The following LRP1B variants were observed in gnomAD, a reference collection of about 807,000 sequenced individuals.
The protein encoded by LRP1B is low-density lipoprotein receptor-related protein 1B.
In LRP1B, 217 loss-of-function variants were observed where a neutral mutation model predicts 556.6. That is an observed-to-expected ratio of 0.39 (90% CI 0.35 to 0.44). The LOEUF is 0.44. Ranked by LOEUF, LRP1B falls within the 20% of genes least tolerant of loss-of-function variation. The probability of loss-of-function intolerance (pLI) is 1.00; values close to 1 mark genes in which losing one functional copy is unlikely to be tolerated. For synonymous variants in LRP1B, 2,047 were observed against 1,865.8 expected (o/e 1.10, Z -2.50); for missense variants, 5,053 against 5,620.8 (o/e 0.90, Z 3.23).
intron 3 of LRP1B, among the ~76,000 whole-genome samples, chr2:141,465,350 A>G (rs917826582): frequency 2.0e-5 from 3 of 147,474 alleles, no homozygotes. Context: ...GAAAAAATGG[A>G]AAAAAAAATA....
intron 2 of LRP1B, among the ~76,000 whole-genome samples, chr2:141,645,469 C>CTTTT (rs750147915): frequency 1.4e-4 from 7 of 48,396 alleles, no homozygotes; most frequent in African/African-American, 3.7e-4. Flanking sequence ...GAAGACAAGG[C>CTTTT]TTTTTTTTTT....
At chr2:141,457,795 A>G (rs1461576786) in intron 3 of LRP1B, among the ~76,000 whole-genome samples, 2 of 152,180 alleles carry the variant, frequency 1.3e-5, no homozygotes, top group Non-Finnish European at 2.9e-5. Context: ...TAGTAAAATA[A>G]GAAAAGCAAG....
intron 1 of LRP1B, among the ~76,000 whole-genome samples, chr2:142,120,123 G>GTTTA (rs386391383): frequency 1.6e-4 from 24 of 152,022 alleles, no homozygotes; most frequent in Non-Finnish European, 7.4e-5. Flanking sequence ...TTTTTTGTTT[G>GTTTA]TTTGTTTTTT....
At chr2:141,341,988 T>C (rs962993761) in intron 3 of LRP1B, among the ~76,000 whole-genome samples, 1 of 152,052 alleles carries the variant, frequency 6.6e-6, no homozygotes, top group Non-Finnish European at 1.5e-5. Context: ...CTCACACCTG[T>C]AATCCCAGCA....
intron 7 of LRP1B, among the ~76,000 whole-genome samples, chr2:141,175,801 G>T (rs1450246480): frequency 6.6e-6 from 1 of 152,050 alleles, no homozygotes; most frequent in Non-Finnish European, 1.5e-5. Context: ...CCTGGAAAAG[G>T]CATAGGCATT....
rs1695586566 is a variant in LRP1B, at chr2:141,790,806, A to C, written c.205+19473T>G. On this transcript the variant is annotated intron_variant, in intron 2 of 90. Coordinates refer to ENST00000389484, the MANE Select transcript of LRP1B (RefSeq NM_018557.3). ...TGCATTACAAATAGACGTTAAAGTT[A>C]AAAAGAACACAGAAATTGGTGGTAA... Among the ~76,000 whole-genome samples, 4 of 152,064 alleles carry C rather than the reference A, an allele frequency of 2.6e-5. No individual in the cohort carries two copies. In the South Asian group the frequency reaches 8.3e-4, roughly 31 times the overall value.
At chr2:140,398,686 C>A (rs1684361667) in intron 66 of LRP1B, among the ~76,000 whole-genome samples, 1 of 152,094 alleles carries the variant, frequency 6.6e-6, no homozygotes. Flanking sequence ...ATCACTATGC[C>A]AAGCCAAGAA....
chr2:140,328,138 C>A (rs1680594007), intron 79 of LRP1B, among the ~76,000 whole-genome samples: 1 of 151,870 alleles, frequency 6.6e-6, no homozygotes, highest in Admixed American at 6.6e-5. Context: ...GGAAAAAAAT[C>A]AATTCTCAAG....
intron 40 of LRP1B, 133 bp from the exon 41 acceptor site, chr2:140,700,754 C>G: frequency 5.5e-6 from 5 of 915,130 alleles, no homozygotes; most frequent in Non-Finnish European, 8.1e-6. Flanking sequence ...TTAAGCTGGT[C>G]AATAAAAAAT....
chr2:141,548,196 T>C (rs1842932), intron 2 of LRP1B, among the ~76,000 whole-genome samples: 11,362 of 152,240 alleles, frequency 0.075, 535 homozygotes, highest in South Asian at 0.13. Context: ...ATAAATAATA[T>C]GCAACTTGAA....
At chr2:140,365,467 G>A (rs868074813) in intron 71 of LRP1B, among the ~76,000 whole-genome samples, 3 of 151,594 alleles carry the variant, frequency 2.0e-5, no homozygotes, top group Non-Finnish European at 3.0e-5. Context: ...TCTGCCACAC[G>A]CAAAGGACCT....
chr2:142,079,596 C>G (rs544123740), intron 1 of LRP1B, among the ~76,000 whole-genome samples: 1 of 152,034 alleles, frequency 6.6e-6, no homozygotes, highest in Non-Finnish European at 1.5e-5. Context: ...CAACCTCCGC[C>G]TCCCAGGTGT....
At chr2:140,475,379 T>A (rs763225573) in intron 59 of LRP1B, 42 bp from the exon 60 acceptor site, 1 of 1,460,060 alleles carries the variant, frequency 6.8e-7, no homozygotes, top group Non-Finnish European at 9.4e-7. Flanking sequence ...ACAGATTCTC[T>A]GGGAGCAAAA....
intron 3 of LRP1B, among the ~76,000 whole-genome samples, chr2:141,275,993 C>G (rs1331918008): frequency 6.6e-6 from 1 of 152,082 alleles, no homozygotes; most frequent in Non-Finnish European, 1.5e-5. Flanking sequence ...GATGGCCTCT[C>G]TATAAGTTTT....
intron 41 of LRP1B, among the ~76,000 whole-genome samples, chr2:140,675,076 C>A (rs960426816): frequency 6.6e-6 from 1 of 152,180 alleles, no homozygotes; most frequent in African/African-American, 2.4e-5. Context: ...CTTTTATCAT[C>A]ATATCACCTT....
chr2:140,393,936 G>T (rs1268814303), intron 66 of LRP1B, among the ~76,000 whole-genome samples: 1 of 151,976 alleles, frequency 6.6e-6, no homozygotes, highest in African/African-American at 2.4e-5. Context: ...ATACAATTCT[G>T]TTCTCTCATT....
intron 20 of LRP1B, among the ~76,000 whole-genome samples, chr2:140,925,699 C>T (rs575724218): frequency 4.6e-5 from 7 of 152,214 alleles, no homozygotes; most frequent in African/African-American, 9.6e-5. Flanking sequence ...GTATGTTTGA[C>T]GAACACACTA....
At chr2:141,682,514 C>A (rs918191783) in intron 2 of LRP1B, among the ~76,000 whole-genome samples, 1 of 152,056 alleles carries the variant, frequency 6.6e-6, no homozygotes, top group Non-Finnish European at 1.5e-5. Flanking sequence ...TAATAATATT[C>A]CCTTTACAAA....
At chr2:140,956,037 A>C (rs1695862264) in intron 18 of LRP1B, among the ~76,000 whole-genome samples, 1 of 151,776 alleles carries the variant, frequency 6.6e-6, no homozygotes, top group Non-Finnish European at 1.5e-5. Context: ...GTTAAAATTA[A>C]TGACAAGATA....
Sources: allele counts gnomAD v4.1 joint callset (sites outside exome capture counted in the v4.1 genomes callset), GRCh38; gene constraint gnomAD v4.1.1; transcripts MANE v1.5; gene names NCBI Gene and HGNC (gene_info 2026-07-23, HGNC 2026-07-21).